The following FGD2 variants were observed in gnomAD, a reference collection of about 807,000 sequenced individuals.
FGD2 encodes FYVE, RhoGEF and PH domain-containing protein 2.
A neutral mutation model predicts 75.9 loss-of-function variants in FGD2; 52 were observed. The ratio of observed to expected loss-of-function variants is 0.69; its 90% CI spans 0.55 to 0.86. The LOEUF (loss-of-function observed/expected upper bound fraction) is 0.86, where lower values mean the gene tolerates loss of function less well. FGD2 is among the 40% of genes least tolerant of loss of function. The pLI is 0.00. For synonymous variants in FGD2, 347 were observed against 348.6 expected, an observed-to-expected ratio of 1.00 and a Z score of 0.05; for missense variants, 790 against 872.0, an observed-to-expected ratio of 0.91 and a Z score of 1.18.
rs764907194 is a variant in FGD2 at position 37,005,862 on chromosome 6, G to T, written c.45G>T (p.Leu15=). The T allele has an allele frequency of 1.9e-6, 3 of 1,613,900 alleles. No homozygotes were observed. Among genetic ancestry groups the T allele is most frequent in the Non-Finnish European group, 2.5e-6 (3 of 1,179,968 alleles). The change falls in exon 1 of 16, where the codon CTG becomes CTT. Residue 15 remains leucine (L), a synonymous_variant. Transcript: ENST00000274963. ...AGAAGCTGGCATCTGTGTCCAACCT[G>T]GTCACTGTGTTTGAGAATAGCAGGT... is the stretch of plus-strand genomic sequence containing the variant. ...SEEKLASVSN[L]VTVFENSRTP...
At chr6:37,010,586 C>G (rs138560622) in intron 2 of FGD2, among the ~76,000 whole-genome samples, 7 of 152,300 alleles carry the variant, frequency 4.6e-5, no homozygotes, top group African/African-American at 1.7e-4. Context: ...CAGGGACAGC[C>G]GGAAGACTGG....
At chr6:37,015,694 C>T in intron 8 of FGD2, 74 bp from the exon 9 acceptor site, 1 of 1,403,344 alleles carries the variant, frequency 7.1e-7, no homozygotes, top group Non-Finnish European at 9.8e-7. Flanking sequence ...ATGCTCGGCC[C>T]ACCCTCGGGG....
Position 37,027,928 on chromosome 6 carries a change from C to T in FGD2, c.1753-20C>T. On this transcript the variant is annotated intron_variant, in intron 15 of 15. Transcript: ENST00000274963. ...AGGACTGAGAGGGGACAGTGGCCCA[C>T]TGCTCTCTCCTCCCCCCAGGACATG... 6.2e-7 allele frequency: 1 copy of T among 1,611,982 alleles called. No individual in the cohort carries two copies. Among genetic ancestry groups the T allele is most frequent in the South Asian group, 1.1e-5 (1 of 90,966 alleles).
At chr6:37,026,773 A>G (rs1414795555) in intron 14 of FGD2, among the ~76,000 whole-genome samples, 1 of 151,628 alleles carries the variant, frequency 6.6e-6, no homozygotes, top group Non-Finnish European at 1.5e-5. Context: ...GCCAAGGTGG[A>G]TGGATCACGT....
In FGD2 at chr6:37,015,871, C is replaced by T. The variant is rs1471400986; in HGVS notation, c.1122+11C>T. ...GTGGCCGGGATGAAGGTAAGAGGCC[C>T]CCTAAACACCACTGGGCTCCACCTC... is the stretch of plus-strand genomic sequence containing the variant. On this transcript the variant is annotated intron_variant, in intron 9 of 15. Coordinates refer to ENST00000274963, the MANE Select transcript of FGD2 (RefSeq NM_173558.4). 1.3e-6 allele frequency: 2 copies of T among 1,564,608 alleles called. No individual in the cohort carries two copies. Among genetic ancestry groups the T allele is most frequent in the Admixed American group, 3.9e-5 (2 of 51,760 alleles).
intron 1 of FGD2, among the ~76,000 whole-genome samples, chr6:37,008,390 A>G (rs1764845284): frequency 6.6e-6 from 1 of 152,126 alleles, no homozygotes; most frequent in South Asian, 2.1e-4. Flanking sequence ...GATCCCATTG[A>G]GAAGCCCCAG....
At chr6:37,009,186 C>A in intron 2 of FGD2, 121 bp downstream of exon 2, 2 of 902,720 alleles carry the variant, frequency 2.2e-6, no homozygotes, top group Non-Finnish European at 3.3e-6. Flanking sequence ...ATGGTGTGAT[C>A]AGAGGTCAGC....
chr6:37,028,027 A>G lies in FGD2; in HGVS notation c.1832A>G (p.Gln611Arg). The G allele has an allele frequency of 6.2e-7, 1 of 1,614,050 alleles. No individual in the cohort carries two copies. The highest frequency in any genetic ancestry group is 8.5e-7 in the Non-Finnish European group (1 of 1,180,014). Residue 611 changes from glutamine to arginine, a missense_variant, in exon 16 of 16, where the codon CAG (glutamine) becomes CGG (arginine). By Grantham distance (43) the Gln-to-Arg change is conservative. Transcript: ENST00000274963. ...VGPQGDPRVF[Q>R]LQQSGQLYTF... ...CCCCAGGGGGACCCTCGGGTCTTCC[A>G]GCTACAGCAGTCAGGCCAGCTCTAC...
chr6:37,006,461 C>T lies in FGD2; in HGVS notation c.68+576C>T, dbSNP rs575784843. The stretch of plus-strand genomic sequence containing the variant: ...TAGGGGTAGATTCTGTTTCTGTTCC[C>T]GTCTTATAGATGAGGAAATGGAGAC... On this transcript the variant is annotated intron_variant, in intron 1 of 15. Coordinates refer to ENST00000274963, the MANE Select transcript of FGD2 (RefSeq NM_173558.4). Among the ~76,000 whole-genome samples the T allele has an allele frequency of 5.9e-5, 9 of 151,996 alleles. No homozygotes were observed. In the South Asian group the frequency reaches 1.0e-3, roughly 18 times the overall value.
At position 37,014,943 on chromosome 6, in the gene FGD2, G is replaced by A. The variant is rs374743887; in HGVS notation, c.934G>A (p.Asp312Asn). Reference sequence around the variant, plus strand: ...GTACCAGCGCCTGGGCCTCGAGGACGACATAGTAGACCCCTCTAACACCCT... The same window carrying A: ...GTACCAGCGCCTGGGCCTCGAGGACAACATAGTAGACCCCTCTAACACCCT... ...EVYQRLGLED[D>N]IVDPSNTLLR... The change falls in exon 8 of 16, where the codon GAC becomes AAC. Residue 312 changes from aspartate to asparagine, a missense_variant. Transcript: ENST00000274963. 70 of 1,614,018 alleles carry A rather than the reference G, an allele frequency of 4.3e-5. No individual in the cohort carries two copies. Among genetic ancestry groups the A allele is most frequent in the South Asian group, 5.5e-5 (5 of 91,094 alleles).
At chr6:37,016,197 C>T (rs1561933752) in intron 9 of FGD2, among the ~76,000 whole-genome samples, 1 of 152,186 alleles carries the variant, frequency 6.6e-6, no homozygotes, top group Non-Finnish European at 1.5e-5. Context: ...GGTTCTGAAT[C>T]AGGAGGTCTG....
In FGD2 at chr6:37,023,564, C is replaced by G. The variant is rs572804212; in HGVS notation, c.1458+1194C>G. ...TGTTTACTCTGCAAACAGAGAAGCC[C>G]TTTGCAACCTCAGTCTTTGATGACC... On this transcript the variant is annotated intron_variant, in intron 13 of 15. Transcript: ENST00000274963. The G allele has an allele frequency of 1.2e-3, 189 of 152,352 alleles. 1 individual carries two copies. Among genetic ancestry groups the G allele is most frequent in the African/African-American group, 4.4e-3 (184 of 41,562 alleles). The allele number at this position is 152,352 out of a possible 1,614,324, so 9.4% of individuals were successfully genotyped here.
chr6:37,022,304 C>T lies in FGD2; in HGVS notation c.1392C>T (p.Cys464=), dbSNP rs747661831. The change falls in exon 13 of 16, where the codon TGC becomes TGT. Residue 464 remains cysteine (C), a synonymous_variant. Transcript: ENST00000274963. ...QWVRDKMVTM[C]MRCQEPFNAL... ...TCCGGGACAAGATGGTGACCATGTG[C>T]ATGCGCTGCCAGGAGCCCTTCAACG... 1.0e-5 allele frequency: 16 copies of T among 1,588,456 alleles called. No individual in the cohort carries two copies. Among genetic ancestry groups the T allele is most frequent in the East Asian group, 2.3e-5 (1 of 42,770 alleles).
rs386406733 is a variant in FGD2, at chr6:37,028,615, CTTTT to C, written c.*466_*469del. 2.5e-5 allele frequency: 2 copies of C among 79,024 alleles called. No homozygotes were observed. The highest frequency in any genetic ancestry group is 4.5e-5 in the Non-Finnish European group (2 of 44,274). 4.9% of individuals were successfully genotyped at this position (79,024 alleles called of 1,614,324 possible). The stretch of plus-strand genomic sequence containing the variant: ...GGCTGAGTTGGGGGAGGCATGGGGT[CTTTT>C]TTTTTTTTTTTTTGAGACAGAGTCT... On this transcript the variant is annotated 3_prime_UTR_variant, in exon 16 of 16. Transcript: ENST00000274963.
At position 37,027,937 on chromosome 6, in the gene FGD2, C is replaced by T. The variant is rs1209144805; in HGVS notation, c.1753-11C>T. 1.2e-6 allele frequency: 2 copies of T among 1,613,142 alleles called. No individual in the cohort carries two copies. The highest frequency in any genetic ancestry group is 2.7e-5 in the African/African-American group (2 of 74,926). ...AGGGGACAGTGGCCCACTGCTCTCT[C>T]CTCCCCCCAGGACATGAGGGCTCAC... On this transcript the variant is annotated splice_polypyrimidine_tract_variant and intron_variant, in intron 15 of 15. Coordinates refer to ENST00000274963, the MANE Select transcript of FGD2 (RefSeq NM_173558.4).
At chr6:37,011,382 G>A in intron 3 of FGD2, 1 of 549,234 alleles carries the variant, frequency 1.8e-6, no homozygotes, top group Non-Finnish European at 3.3e-6. Context: ...TTTTTCAGGA[G>A]CCCTAAGGCT....
chr6:37,014,423 C>G (rs1018431694), intron 6 of FGD2: 3 of 631,308 alleles, frequency 4.8e-6, no homozygotes, highest in Non-Finnish European at 2.7e-6. Context: ...GTGAGAGTCA[C>G]CAAAGCCAAA....
At chr6:37,008,237 G>A (rs961971387) in intron 1 of FGD2, among the ~76,000 whole-genome samples, 9 of 152,294 alleles carry the variant, frequency 5.9e-5, no homozygotes, top group Admixed American at 2.6e-4. Context: ...TCAAGGGTGG[G>A]CCCTGTTGTC....
chr6:37,021,750 G>A (rs1247049776), intron 12 of FGD2, 146 bp downstream of exon 12: 9 of 717,836 alleles, frequency 1.3e-5, no homozygotes, highest in South Asian at 7.7e-5. Flanking sequence ...CCTTCCCAGC[G>A]CATCCCCCGA....
Sources: allele counts gnomAD v4.1 joint callset (sites outside exome capture counted in the v4.1 genomes callset), GRCh38; gene constraint gnomAD v4.1.1; transcripts MANE v1.5; gene names NCBI Gene and HGNC (gene_info 2026-07-23, HGNC 2026-07-21).